TANC2: variants seen among roughly 807,000 people sequenced by gnomAD.
The protein encoded by TANC2 is protein TANC2.
In TANC2, 26 loss-of-function variants were observed where a neutral mutation model predicts 210.5. The ratio of observed to expected loss-of-function variants is 0.12; its 90% confidence interval spans 0.09 to 0.17. The LOEUF (loss-of-function observed/expected upper bound fraction) is 0.17, where lower values mean the gene tolerates loss of function less well. Ranked by LOEUF, TANC2 falls within the 10% of genes least tolerant of loss-of-function variation. The pLI is 1.00. For missense variants in TANC2, 2,129 were observed against 2,608.9 expected (o/e 0.82, Z 4.01); for synonymous variants, 931 against 967.1 (o/e 0.96, Z 0.69).
chr17:63,162,146 T>C (rs2040049217), intron 5 of TANC2, among the ~76,000 whole-genome samples: 1 of 151,662 alleles, frequency 6.6e-6, no homozygotes, highest in African/African-American at 2.4e-5. Flanking sequence ...CTCTACAAAA[T>C]AAAAATAAAA....
At chr17:63,200,517 A>T (rs545656097) in intron 6 of TANC2, among the ~76,000 whole-genome samples, 34 of 152,272 alleles carry the variant, frequency 2.2e-4, no homozygotes, top group African/African-American at 7.5e-4. Context: ...AATGGCAGTG[A>T]TAGGGTACTT....
chr17:63,178,593 G>C (rs2040673725), intron 5 of TANC2, among the ~76,000 whole-genome samples: 1 of 152,198 alleles, frequency 6.6e-6, no homozygotes, highest in South Asian at 2.1e-4. Flanking sequence ...AATATAGCCA[G>C]GTTTGCTTTG....
chr17:63,049,572 G>A (rs188205257), intron 2 of TANC2, among the ~76,000 whole-genome samples: 8 of 152,308 alleles, frequency 5.3e-5, no homozygotes, highest in African/African-American at 1.9e-4. Context: ...AAAAGTCAGA[G>A]AGCAAGAGTG....
Position 63,420,665 on chromosome 17 carries a change from C to T in TANC2, c.4935C>T (p.Pro1645=), listed in dbSNP as rs1487429143. The T allele has an allele frequency of 1.4e-5, 22 of 1,613,578 alleles. No individual in the cohort carries two copies. The highest frequency in any genetic ancestry group is 4.5e-5 in the East Asian group (2 of 44,886). The change falls in exon 28 of 28, where the codon CCC becomes CCT. Residue 1645 remains proline (P), a synonymous_variant. Transcript: ENST00000689528. This position sits in a 1 kb window ranked among gnomAD's most constrained non-coding sequence, Gnocchi z 4.2. ...TCTATAGATCCCAGTCTGGTTCACC[C>T]GTGCGCTATCAGCAGGAAACAAGCG...
chr17:63,294,696 C>T (rs746706400), intron 9 of TANC2, among the ~76,000 whole-genome samples: 1 of 152,170 alleles, frequency 6.6e-6, no homozygotes, highest in Admixed American at 6.5e-5. Context: ...CTACCTATCT[C>T]TTTATGCACC....
intron 12 of TANC2, 29 bp from the exon 13 acceptor site, chr17:63,351,221 A>T: frequency 6.4e-7 from 1 of 1,564,382 alleles, no homozygotes; most frequent in South Asian, 1.2e-5. Flanking sequence ...CTTGGTAATT[A>T]TTAAGTAATG....
chr17:63,032,371 T>G (rs1162427454), intron 2 of TANC2, among the ~76,000 whole-genome samples: 3 of 152,096 alleles, frequency 2.0e-5, no homozygotes, highest in African/African-American at 7.2e-5. Flanking sequence ...CCTATCCCAG[T>G]GCAAATCATC....
intron 7 of TANC2, among the ~76,000 whole-genome samples, chr17:63,218,808 C>T (rs1277949912): frequency 6.6e-6 from 1 of 151,944 alleles, no homozygotes; most frequent in Non-Finnish European, 1.5e-5. Context: ...ACAGGAGAAT[C>T]GCTAGAACCC....
At chr17:63,205,356 A>C (rs550522743) in intron 7 of TANC2, among the ~76,000 whole-genome samples, 1 of 146,478 alleles carries the variant, frequency 6.8e-6, no homozygotes, top group African/African-American at 2.5e-5. Flanking sequence ...AAAAAAAAAA[A>C]AAAAAAAAAA....
At chr17:63,206,344 T>C (rs780483858) in intron 7 of TANC2, among the ~76,000 whole-genome samples, 12 of 152,222 alleles carry the variant, frequency 7.9e-5, no homozygotes, top group Non-Finnish European at 1.3e-4. Context: ...GCAATTTCTC[T>C]TCTAAGTATA....
At chr17:62,975,785 G>A (rs538297653) in intron 1 of TANC2, among the ~76,000 whole-genome samples, 2 of 151,804 alleles carry the variant, frequency 1.3e-5, no homozygotes, top group East Asian at 1.9e-4. Flanking sequence ...TATCTCACAG[G>A]GTTTTTATGA....
intron 5 of TANC2, among the ~76,000 whole-genome samples, chr17:63,160,664 A>C (rs1422913223): frequency 6.6e-6 from 1 of 152,220 alleles, no homozygotes; most frequent in Non-Finnish European, 1.5e-5. Flanking sequence ...CTTAGAATGA[A>C]TTCCTTGAAA....
At chr17:63,132,242 T>C in intron 4 of TANC2, among the ~76,000 whole-genome samples, 1 of 147,406 alleles carries the variant, frequency 6.8e-6, no homozygotes, top group East Asian at 2.0e-4. Context: ...ACTACTAGGA[T>C]TTTTTTTTTT....
chr17:63,316,786 A>C lies in TANC2; in HGVS notation c.1441+2117A>C, dbSNP rs373571085. The stretch of plus-strand genomic sequence containing the variant: ...GCCATCTTAACCAATAGAAGGGTCA[A>C]GAATAAGTGACTGATATAATGCAAG... On this transcript the variant is annotated intron_variant, in intron 10 of 27. Coordinates refer to ENST00000689528, the Ensembl canonical transcript of TANC2. Among the ~76,000 whole-genome samples, 6 of 152,334 alleles carry C rather than the reference A, an allele frequency of 3.9e-5. No individual in the cohort carries two copies. The South Asian group carries it at 1.2e-3, about 32-fold the overall frequency.
chr17:62,974,510 T>G lies in TANC2; in HGVS notation c.-24+7761T>G, dbSNP rs553915598. Among the ~76,000 whole-genome samples, 644 of 152,286 alleles carry G rather than the reference T, an allele frequency of 4.2e-3. 5 individuals are homozygous for G. The highest frequency in any genetic ancestry group is 0.015 in the African/African-American group (624 of 41,548). On this transcript the variant is annotated intron_variant, in intron 1 of 27. Coordinates refer to ENST00000689528, the Ensembl canonical transcript of TANC2. ...GGTGGATTAGTTATGTTGGAAAAAC[T>G]GGGGTATTTTTATGGAGTGTATTAA...
chr17:63,362,615 C>A (rs1202086982), intron 14 of TANC2, among the ~76,000 whole-genome samples: 3 of 152,252 alleles, frequency 2.0e-5, no homozygotes, highest in African/African-American at 7.2e-5. Flanking sequence ...ACCCAAAGTC[C>A]AGAGGGGACT....
chr17:63,096,754 T>C (rs765782978), intron 3 of TANC2, among the ~76,000 whole-genome samples: 7 of 152,196 alleles, frequency 4.6e-5, no homozygotes, highest in Non-Finnish European at 7.4e-5. Context: ...TTCGTATCTT[T>C]GGGTATATAC....
chr17:63,060,797 G>C (rs1190449879), intron 2 of TANC2, among the ~76,000 whole-genome samples: 1 of 152,154 alleles, frequency 6.6e-6, no homozygotes, highest in African/African-American at 2.4e-5. Flanking sequence ...GTTGATAGCA[G>C]TTTGTCTTTA....
At chr17:63,415,385 G>T in intron 25 of TANC2, 143 bp from the exon 26 acceptor site, 1 of 1,075,056 alleles carries the variant, frequency 9.3e-7, no homozygotes, top group Non-Finnish European at 1.3e-6. Flanking sequence ...CTCACCATCA[G>T]GGCCAGAACT....
Sources: allele counts gnomAD v4.1 joint callset (sites outside exome capture counted in the v4.1 genomes callset), GRCh38; gene constraint gnomAD v4.1.1; non-coding constraint Gnocchi (gnomAD v3.1); transcripts MANE v1.5; gene names NCBI Gene and HGNC (gene_info 2026-07-23, HGNC 2026-07-21).